CADM2: variants seen among roughly 807,000 people sequenced by gnomAD.
CADM2 encodes the protein immunoglobulin superfamily member 4D.
CADM2 carries 12 observed loss-of-function variants against 49.8 expected under a neutral mutation model. The ratio of observed to expected loss-of-function variants is 0.24; its 90% CI spans 0.15 to 0.39. The LOEUF (loss-of-function observed/expected upper bound fraction) is 0.39. CADM2 is among the 10% of genes least tolerant of loss of function. The pLI, the probability that CADM2 is intolerant of heterozygous loss-of-function variation, is 1.00. For missense variants in CADM2, 378 were observed against 492.3 expected (o/e 0.77, Z 2.20); for synonymous variants, 214 against 175.4 (o/e 1.22, Z -1.74).
intron 1 of CADM2, among the ~76,000 whole-genome samples, chr3:85,055,881 G>T (rs946696758): frequency 6.6e-6 from 1 of 151,876 alleles, no homozygotes; most frequent in Non-Finnish European, 1.5e-5. Flanking sequence ...CATGGTACCT[G>T]GATCTATGTT....
At chr3:85,544,508 CG>C (rs2061619156) in intron 1 of CADM2, among the ~76,000 whole-genome samples, 1 of 151,970 alleles carries the variant, frequency 6.6e-6, no homozygotes, top group Non-Finnish European at 1.5e-5. Flanking sequence ...ACCCGGGAGG[CG>C]GAGCTTGCAG....
At chr3:85,354,943 CA>C (rs1485764076) in intron 1 of CADM2, among the ~76,000 whole-genome samples, 2 of 152,118 alleles carry the variant, frequency 1.3e-5, no homozygotes, top group African/African-American at 4.8e-5. Context: ...AATTGAGCTT[CA>C]TTTGTCTTCA....
At chr3:85,688,564 C>CTT (rs71112107) in intron 1 of CADM2, among the ~76,000 whole-genome samples, 46,260 of 135,396 alleles carry the variant, frequency 0.34, 8,354 homozygotes, top group Non-Finnish European at 0.39. Flanking sequence ...TTTATTTATT[C>CTT]TTTTTTTTTT....
At chr3:85,198,209 G>C (rs546905040) in intron 1 of CADM2, among the ~76,000 whole-genome samples, 2 of 151,896 alleles carry the variant, frequency 1.3e-5, no homozygotes, top group African/African-American at 4.8e-5. Context: ...AGTAGTTAGA[G>C]AAGCAATGAT....
chr3:85,933,662 C>T (rs940071370), intron 6 of CADM2, among the ~76,000 whole-genome samples: 18 of 152,156 alleles, frequency 1.2e-4, no homozygotes, highest in East Asian at 9.7e-4. Flanking sequence ...AGCTGGAAGA[C>T]CAAGAGTACC....
At chr3:85,126,067 CAT>C (rs1185421723) in intron 1 of CADM2, among the ~76,000 whole-genome samples, 2 of 152,034 alleles carry the variant, frequency 1.3e-5, no homozygotes, top group African/African-American at 2.4e-5. Context: ...TATAATTAAA[CAT>C]AAATAAAAAT....
chr3:85,169,890 T>C (rs1471582812), intron 1 of CADM2, among the ~76,000 whole-genome samples: 4 of 152,224 alleles, frequency 2.6e-5, no homozygotes, highest in Non-Finnish European at 5.9e-5. Context: ...CCACAGACCA[T>C]GATACCACTA....
intron 1 of CADM2, among the ~76,000 whole-genome samples, chr3:84,972,282 C>T (rs575972572): frequency 6.6e-6 from 1 of 152,168 alleles, no homozygotes; most frequent in Non-Finnish European, 1.5e-5. Context: ...TTTTTCCTTT[C>T]CACCTAAAGA....
In CADM2 at chr3:85,082,866, C is replaced by G. The variant is rs537542499; in HGVS notation, c.61+123198C>G. On this transcript the variant is annotated intron_variant, in intron 1 of 9. Transcript: ENST00000383699. ...CAAACACAAAGCTTCTCCATCCCTTCCTAAAACACACGCTAGCTGTTTAGC... is the reference window on the plus strand; with the variant it reads ...CAAACACAAAGCTTCTCCATCCCTTGCTAAAACACACGCTAGCTGTTTAGC... Among the ~76,000 whole-genome samples the G allele has an allele frequency of 2.6e-5, 4 of 152,194 alleles. No individual in the cohort carries two copies. In the East Asian group the frequency reaches 7.7e-4, roughly 29 times the overall value.
intron 8 of CADM2, among the ~76,000 whole-genome samples, chr3:86,015,921 A>G (rs1265683694): frequency 3.3e-5 from 5 of 152,144 alleles, no homozygotes; most frequent in Non-Finnish European, 7.3e-5. Flanking sequence ...ACCTACAAAA[A>G]TAAGGATTGT....
intron 1 of CADM2, among the ~76,000 whole-genome samples, chr3:85,491,909 G>A (rs538469088): frequency 1.7e-3 from 248 of 148,350 alleles, no homozygotes; most frequent in Non-Finnish European, 3.2e-3. Context: ...CGGAGATCGC[G>A]CCACTGCACT....
chr3:85,494,061 GCATCAAAAAAT>G (rs1243083111), intron 1 of CADM2, among the ~76,000 whole-genome samples: 1 of 152,056 alleles, frequency 6.6e-6, no homozygotes, highest in Non-Finnish European at 1.5e-5. Flanking sequence ...CTTGTTAAAT[GCATCAAAAAAT>G]CAACTTTTCT....
intron 8 of CADM2, among the ~76,000 whole-genome samples, chr3:86,025,117 A>T (rs1012044771): frequency 1.3e-5 from 2 of 151,402 alleles, no homozygotes; most frequent in African/African-American, 4.9e-5. Flanking sequence ...GTGTAGTGGC[A>T]TGATCTCAGC....
intron 1 of CADM2, among the ~76,000 whole-genome samples, chr3:85,162,045 C>A (rs1348857523): frequency 2.0e-5 from 3 of 152,030 alleles, no homozygotes; most frequent in Non-Finnish European, 1.5e-5. Context: ...AAAGAAAAAA[C>A]AAGTACCTTT....
chr3:85,210,399 A>G (rs2041749168), intron 1 of CADM2, among the ~76,000 whole-genome samples: 1 of 152,032 alleles, frequency 6.6e-6, no homozygotes, highest in Non-Finnish European at 1.5e-5. Context: ...ATATTTTTGC[A>G]TTAATGTTCG....
intron 1 of CADM2, among the ~76,000 whole-genome samples, chr3:85,724,265 T>G (rs981963067): frequency 6.6e-6 from 1 of 151,914 alleles, no homozygotes; most frequent in Non-Finnish European, 1.5e-5. Flanking sequence ...GATCTCTTAT[T>G]TTAGAATATG....
chr3:85,494,737 G>A (rs560598929), intron 1 of CADM2, among the ~76,000 whole-genome samples: 1 of 152,232 alleles, frequency 6.6e-6, no homozygotes, highest in Admixed American at 6.5e-5. Context: ...TGCTGTGTGT[G>A]TGCTTTCTTA....
At chr3:85,063,372 C>T (rs1049632651) in intron 1 of CADM2, among the ~76,000 whole-genome samples, 1 of 151,742 alleles carries the variant, frequency 6.6e-6, no homozygotes, top group Non-Finnish European at 1.5e-5. Context: ...CGATGATCCA[C>T]GGCAAGAAAA....
chr3:85,359,037 C>A (rs762954198), intron 1 of CADM2, among the ~76,000 whole-genome samples: 1 of 152,114 alleles, frequency 6.6e-6, no homozygotes, highest in Admixed American at 6.6e-5. Flanking sequence ...TCCTGTGAGA[C>A]CTGTCACAAT....
Sources: gnomAD v4.1 joint callset for allele counts (sites outside exome capture counted in the v4.1 genomes callset) on GRCh38, gnomAD v4.1.1 for gene constraint, MANE v1.5 for transcripts, NCBI Gene and HGNC (gene_info 2026-07-23, HGNC 2026-07-21) for gene names.